The following PRKN variants were observed in gnomAD, a reference collection of about 807,000 sequenced individuals.
PRKN encodes the protein E3 ubiquitin-protein ligase parkin.
Under a neutral mutation model 59.5 loss-of-function variants are expected in PRKN, and 56 were observed. The ratio of observed to expected loss-of-function variants is 0.94; its 90% CI spans 0.76 to 1.18. PRKN has a LOEUF of 1.18. Among genes scored for constraint, PRKN ranks in the 50% most tolerant of loss-of-function variants. The pLI, the probability that PRKN is intolerant of heterozygous loss-of-function variation, is 0.00. For missense variants in PRKN, 657 were observed against 596.4 expected (o/e 1.10, Z -1.06); for synonymous variants, 250 against 222.1 (o/e 1.13, Z -1.12).
chr6:162,431,393 AT>A (rs199818003), intron 2 of PRKN, among the ~76,000 whole-genome samples: 93 of 152,108 alleles, frequency 6.1e-4, no homozygotes, highest in East Asian at 4.7e-3. Flanking sequence ...TTTTAAATTT[AT>A]TTTTCAGGAA....
intron 1 of PRKN, among the ~76,000 whole-genome samples, chr6:162,591,740 T>C (rs1034915226): frequency 4.6e-5 from 7 of 152,186 alleles, no homozygotes; most frequent in African/African-American, 1.2e-4. Context: ...AAAATGTTTC[T>C]ACAATGAAGG....
intron 1 of PRKN, among the ~76,000 whole-genome samples, chr6:162,702,991 T>C (rs188900149): frequency 8.1e-4 from 124 of 152,310 alleles, no homozygotes; most frequent in Admixed American, 1.6e-3. Flanking sequence ...GAATCAATTT[T>C]TACTTAATAT....
intron 6 of PRKN, among the ~76,000 whole-genome samples, chr6:161,797,960 G>A (rs1790919673): frequency 6.6e-6 from 1 of 152,180 alleles, no homozygotes. Context: ...CCAGCACTTT[G>A]GGAGGCCGAG....
chr6:161,945,946 A>G (rs1221347689), intron 6 of PRKN, among the ~76,000 whole-genome samples: 9 of 152,178 alleles, frequency 5.9e-5, no homozygotes, highest in Admixed American at 5.9e-4. Flanking sequence ...ATATTTCTAT[A>G]TATTATTCCT....
rs114889101 is a variant in PRKN, at chr6:161,959,089, T to C, written c.734+14213A>G. Among the ~76,000 whole-genome samples, 716 of 152,360 alleles carry C rather than the reference T, an allele frequency of 4.7e-3. 9 individuals carry two copies. Among genetic ancestry groups the C allele is most frequent in the African/African-American group, 0.017 (697 of 41,578 alleles). Reference sequence around the variant, plus strand: ...TTTCTTGTCCAAAAAATACACACTGTACACTTTCTCTTCTAATACTGTCCT... The same window carrying C: ...TTTCTTGTCCAAAAAATACACACTGCACACTTTCTCTTCTAATACTGTCCT... On this transcript the variant is annotated intron_variant, in intron 6 of 11. Transcript: ENST00000366898.
chr6:161,778,979 C>G (rs1790073253), intron 7 of PRKN, among the ~76,000 whole-genome samples: 1 of 152,172 alleles, frequency 6.6e-6, no homozygotes, highest in African/African-American at 2.4e-5. Context: ...GAGTCTTGCT[C>G]TGTCGCCCAG....
At chr6:161,608,449 C>A (rs1197295170) in intron 7 of PRKN, among the ~76,000 whole-genome samples, 1 of 151,922 alleles carries the variant, frequency 6.6e-6, no homozygotes, top group South Asian at 2.1e-4. Flanking sequence ...CAGCATTAAA[C>A]CTTCATTGAT....
At chr6:162,565,749 G>A (rs1780047254) in intron 1 of PRKN, among the ~76,000 whole-genome samples, 1 of 150,120 alleles carries the variant, frequency 6.7e-6, no homozygotes, top group Non-Finnish European at 1.5e-5. Flanking sequence ...TATAATGAAT[G>A]TAAAGGGACT....
chr6:162,000,377 T>G (rs924772373), intron 5 of PRKN, among the ~76,000 whole-genome samples: 7 of 152,098 alleles, frequency 4.6e-5, no homozygotes, highest in Non-Finnish European at 1.0e-4. Flanking sequence ...TTGTTTGTTT[T>G]TTTAAATTTT....
chr6:162,208,245 C>CT (rs1785043148), intron 3 of PRKN, among the ~76,000 whole-genome samples: 1 of 152,132 alleles, frequency 6.6e-6, no homozygotes, highest in African/African-American at 2.4e-5. Context: ...ATGCTTTTAA[C>CT]GAGCCATAAA....
At chr6:162,560,249 T>C (rs1309348221) in intron 1 of PRKN, among the ~76,000 whole-genome samples, 4 of 152,250 alleles carry the variant, frequency 2.6e-5, no homozygotes, top group African/African-American at 2.4e-5. Context: ...AAGTTTCTAT[T>C]TGACTATGTT....
chr6:162,069,786 G>A (rs138752943), intron 4 of PRKN, among the ~76,000 whole-genome samples: 16 of 152,240 alleles, frequency 1.1e-4, no homozygotes, highest in African/African-American at 3.4e-4. Flanking sequence ...CAATAATTAA[G>A]AGAAGATCTT....
At chr6:161,734,372 G>A (rs1787879932) in intron 7 of PRKN, among the ~76,000 whole-genome samples, 1 of 152,016 alleles carries the variant, frequency 6.6e-6, no homozygotes, top group Admixed American at 6.6e-5. Flanking sequence ...CCCAAAATAC[G>A]TTCATTCAAT....
intron 3 of PRKN, among the ~76,000 whole-genome samples, chr6:162,245,160 C>T (rs1779147097): frequency 6.6e-6 from 1 of 151,988 alleles, no homozygotes; most frequent in African/African-American, 2.4e-5. Flanking sequence ...ATTACTGGTA[C>T]TCTTTCAATG....
chr6:161,426,185 T>C (rs1788346821), intron 9 of PRKN, among the ~76,000 whole-genome samples: 2 of 152,102 alleles, frequency 1.3e-5, no homozygotes, highest in Admixed American at 1.3e-4. Flanking sequence ...AAATGAGATG[T>C]CCCACTGCCC....
intron 7 of PRKN, among the ~76,000 whole-genome samples, chr6:161,723,852 T>G (rs1167534554): frequency 1.3e-5 from 2 of 152,118 alleles, no homozygotes; most frequent in Admixed American, 6.5e-5. Context: ...TCAAGCTGGT[T>G]CAGCAGACCT....
chr6:162,076,035 C>A (rs1320411008), intron 4 of PRKN, among the ~76,000 whole-genome samples: 1 of 149,622 alleles, frequency 6.7e-6, no homozygotes, highest in Non-Finnish European at 1.5e-5. Context: ...GTGGCATGAC[C>A]TCGGCTTACT....
chr6:161,641,540 AGTTTT>A (rs2128158587), intron 7 of PRKN, among the ~76,000 whole-genome samples: 1 of 152,222 alleles, frequency 6.6e-6, no homozygotes, highest in South Asian at 2.1e-4. Flanking sequence ...CCCATCCCCG[AGTTTT>A]CTGGGAGACT....
At chr6:162,014,628 A>T (rs1388551037) in intron 5 of PRKN, among the ~76,000 whole-genome samples, 2 of 152,092 alleles carry the variant, frequency 1.3e-5, no homozygotes, top group Non-Finnish European at 2.9e-5. Flanking sequence ...CTTCCTCCCT[A>T]TACCACTCCC....
Sources: allele counts gnomAD v4.1 joint callset (sites outside exome capture counted in the v4.1 genomes callset), GRCh38; gene constraint gnomAD v4.1.1; transcripts MANE v1.5; gene names NCBI Gene and HGNC (gene_info 2026-07-23, HGNC 2026-07-21).